CCNH: variants seen among roughly 807,000 people sequenced by gnomAD.
The protein encoded by CCNH is cyclin-H.
CCNH carries 31 observed loss-of-function variants against 41.9 expected under a neutral mutation model. The ratio of observed to expected loss-of-function variants is 0.74; its 90% CI spans 0.56 to 1.00. CCNH has a LOEUF of 1.00. Ranked by LOEUF, CCNH falls within the 50% of genes least tolerant of loss-of-function variation. CCNH has a pLI of 0.00. For missense variants in CCNH, 362 were observed against 388.4 expected (o/e 0.93, Z 0.57); for synonymous variants, 138 against 136.1 (o/e 1.01, Z -0.10).
At chr5:87,371,859 C>T (rs1760966844), downstream of CCNH, among the ~76,000 whole-genome samples, 1 of 151,918 alleles carries the variant, frequency 6.6e-6, no homozygotes, top group Admixed American at 6.6e-5. Flanking sequence ...AATTAATGGC[C>T]ACTCGATGTG....
downstream of CCNH, among the ~76,000 whole-genome samples, chr5:87,371,265 C>A (rs1025328963): frequency 2.0e-5 from 3 of 151,866 alleles, no homozygotes; most frequent in African/African-American, 7.3e-5. Context: ...GTGGGGGTCT[C>A]TGGTTATTCT....
intron 9 of CCNH, chr5:87,362,611 C>T (rs2112456891): frequency 6.3e-7 from 1 of 1,595,606 alleles, no homozygotes; most frequent in Non-Finnish European, 8.6e-7. Flanking sequence ...TACCATCCGT[C>T]GTAAAACAAA....
chr5:87,379,505 A>G (rs539965225), upstream of CCNH, among the ~76,000 whole-genome samples: 1 of 152,278 alleles, frequency 6.6e-6, no homozygotes, highest in Admixed American at 6.5e-5. Flanking sequence ...TTGACTAAGC[A>G]CTGTTTGCTT....
At chr5:87,410,405 GA>G (rs906719312) in intron 2 of CCNH, among the ~76,000 whole-genome samples, 2 of 151,144 alleles carry the variant, frequency 1.3e-5, no homozygotes, top group Non-Finnish European at 3.0e-5. Context: ...CATCTCAGAT[GA>G]AAAAAAATTG....
intron 4 of CCNH, among the ~76,000 whole-genome samples, 190 bp downstream of exon 4, chr5:87,407,786 A>C (rs1227483525): frequency 6.6e-6 from 1 of 152,198 alleles, no homozygotes; most frequent in African/African-American, 2.4e-5. Context: ...ATCTCAGTTA[A>C]CAATTTCTCC....
chr5:87,327,379 A>T (rs925112364), intron 9 of CCNH, among the ~76,000 whole-genome samples: 7 of 152,206 alleles, frequency 4.6e-5, no homozygotes, highest in Non-Finnish European at 1.0e-4. Flanking sequence ...AATTTAGTAC[A>T]AGTCATTAAT....
Position 87,399,420 on chromosome 5 carries a change from A to G in CCNH, c.846T>C (p.Ser282=). The G allele has an allele frequency of 1.9e-6, 3 of 1,613,640 alleles. No homozygotes were observed. The highest frequency in any genetic ancestry group is 2.5e-6 in the Non-Finnish European group (3 of 1,179,546). Residue 282 remains serine, a synonymous_variant, in exon 7 of 9, where the codon TCT becomes TCC. Coordinates refer to ENST00000256897, the MANE Select transcript of CCNH (RefSeq NM_001239.4). ...TGATTACGTTAAGTGCAAGCTCAGC[A>G]GAATGACATCGCTCCAACTTCTGTT... is the stretch of plus-strand genomic sequence containing the variant. The part of the protein sequence containing the change: ...VLKQKLERCH[S]AELALNVITK...
intron 9 of CCNH, among the ~76,000 whole-genome samples, chr5:87,320,836 T>C (rs1484851897): frequency 6.6e-6 from 1 of 152,242 alleles, no homozygotes; most frequent in East Asian, 1.9e-4. Flanking sequence ...AAAAATTGAA[T>C]GATGACTGCA....
rs748254490 is a variant in CCNH, at chr5:87,331,532, G to A, written c.*91-12635C>T. The A allele has an allele frequency of 1.9e-5, 30 of 1,602,486 alleles. No homozygotes were observed. The African/African-American group carries it at 3.6e-4, about 19-fold the overall frequency. ...CTTTATTCCTATTATGAAGCCAAAT[G>A]ATGTAGCTATTTTGATATAATATTC... On this transcript the variant is annotated intron_variant and NMD_transcript_variant, in intron 9 of 9. Coordinates refer to the CCNH transcript ENST00000645953.
intron 9 of CCNH, among the ~76,000 whole-genome samples, chr5:87,329,431 G>C (rs528786216): frequency 1.6e-4 from 24 of 152,186 alleles, no homozygotes; most frequent in Non-Finnish European, 3.1e-4. Flanking sequence ...GACAGAGTGA[G>C]ACTCCCGTCT....
upstream of CCNH, chr5:87,378,344 C>T (rs1580390340): frequency 6.3e-7 from 1 of 1,589,836 alleles, no homozygotes. Context: ...CCAATTTGGT[C>T]ACATTAGGTC....
At chr5:87,390,177 T>C (rs529668534), downstream of CCNH, among the ~76,000 whole-genome samples, 5 of 152,294 alleles carry the variant, frequency 3.3e-5, no homozygotes, top group South Asian at 1.0e-3. Flanking sequence ...TCAATTAAGA[T>C]ATTGGAGATA....
At chr5:87,333,686 G>A (rs1454068007) in intron 9 of CCNH, among the ~76,000 whole-genome samples, 2 of 152,164 alleles carry the variant, frequency 1.3e-5, no homozygotes, top group Admixed American at 1.3e-4. Context: ...TCTACTTTAT[G>A]TAATGGGTGA....
intron 9 of CCNH, among the ~76,000 whole-genome samples, chr5:87,339,285 C>T (rs1317567942): frequency 6.6e-6 from 1 of 152,120 alleles, no homozygotes; most frequent in Non-Finnish European, 1.5e-5. Flanking sequence ...TGGTGTGATA[C>T]AGTCCATACT....
In CCNH at chr5:87,330,863, T is replaced by G. The variant is rs1757551092; in HGVS notation, c.*91-11966A>C. The G allele has an allele frequency of 1.1e-5, 10 of 879,902 alleles. No individual in the cohort carries two copies. In the South Asian group the frequency reaches 2.8e-4, roughly 25 times the overall value. 54.5% of individuals were successfully genotyped at this position (879,902 alleles called of 1,614,324 possible). A position where few individuals can be genotyped will look rare whatever the true frequency, so the allele number is the denominator to read the frequency against. Reference sequence around the variant, plus strand: ...AACAGGAAATTAAAATAGCATCCTTTAGACAGTGTAATTCTGTTTTCCTGT... The same window carrying G: ...AACAGGAAATTAAAATAGCATCCTTGAGACAGTGTAATTCTGTTTTCCTGT... On this transcript the variant is annotated intron_variant and NMD_transcript_variant, in intron 9 of 9. Transcript: ENST00000645953.
intron 2 of CCNH, among the ~76,000 whole-genome samples, chr5:87,410,674 T>C (rs560114341): frequency 1.3e-5 from 2 of 152,290 alleles, no homozygotes; most frequent in Admixed American, 6.5e-5. Flanking sequence ...TAATCTCAGC[T>C]ACCTGTTTCT....
chr5:87,323,736 C>G (rs1396258323), intron 9 of CCNH, among the ~76,000 whole-genome samples: 1 of 150,116 alleles, frequency 6.7e-6, no homozygotes, highest in Non-Finnish European at 1.5e-5. Flanking sequence ...TTTGCCTGTG[C>G]TTTTTCCCAC....
rs1396751378 is a variant in CCNH, at chr5:87,338,084, A to T, written c.*91-19187T>A. On this transcript the variant is annotated intron_variant and NMD_transcript_variant, in intron 9 of 9. Transcript: ENST00000645953. ...GGCCTTATTGTTGAAGACCTAGTAG[A>T]AGAGGTGGTAAGTTTTGTTCTTTTC... 2 of 1,612,096 alleles carry T rather than the reference A, an allele frequency of 1.2e-6. No homozygotes were observed. Among genetic ancestry groups the T allele is most frequent in the Non-Finnish European group, 1.7e-6 (2 of 1,178,996 alleles).
intron 2 of CCNH, among the ~76,000 whole-genome samples, chr5:87,410,292 C>G (rs529332317): frequency 2.0e-5 from 3 of 152,170 alleles, no homozygotes; most frequent in African/African-American, 7.2e-5. Flanking sequence ...TTGATAAGAT[C>G]ACTTAAATTT....
Sources: allele counts gnomAD v4.1 joint callset (sites outside exome capture counted in the v4.1 genomes callset), GRCh38; gene constraint gnomAD v4.1.1; transcripts MANE v1.5; gene names NCBI Gene and HGNC (gene_info 2026-07-23, HGNC 2026-07-21).